ANKRD13B: variants seen among roughly 807,000 people sequenced by gnomAD.
The protein encoded by ANKRD13B is ankyrin repeat domain-containing protein 13B.
In ANKRD13B, 33 loss-of-function variants were observed where a neutral mutation model predicts 74.4. The ratio of observed to expected loss-of-function variants is 0.44; its 90% CI spans 0.34 to 0.59. The LOEUF is 0.59. Ranked by LOEUF, ANKRD13B falls within the 20% of genes least tolerant of loss-of-function variation. The pLI is 0.02. For synonymous variants in ANKRD13B, 341 were observed against 362.9 expected, an observed-to-expected ratio of 0.94 and a Z score of 0.68; for missense variants, 676 against 877.9, an observed-to-expected ratio of 0.77 and a Z score of 2.91.
rs771475263 is a variant in ANKRD13B at position 29,609,304 on chromosome 17, G to A, written c.755+29G>A. 6.2e-7 allele frequency: 1 copy of A among 1,613,050 alleles called. No homozygotes were observed. Among genetic ancestry groups the A allele is most frequent in the Non-Finnish European group, 8.5e-7 (1 of 1,179,778 alleles). ...GGTGGACATGGCCTTGGTCACCCTT[G>A]AGCCAGCCCGGTGGGGTGCCTGCCT... On this transcript the variant is annotated intron_variant, in intron 6 of 14. Transcript: ENST00000394859. This position sits in a 1 kb window ranked among gnomAD's most constrained non-coding sequence, Gnocchi z 4.0.
intron 1 of ANKRD13B, among the ~76,000 whole-genome samples, chr17:29,605,845 A>G (rs1344959436): frequency 6.6e-6 from 1 of 152,086 alleles, no homozygotes; most frequent in Non-Finnish European, 1.5e-5. Context: ...TAGGAGTAGA[A>G]GCCTTTTTAC....
intron 1 of ANKRD13B, among the ~76,000 whole-genome samples, chr17:29,596,902 A>T (rs2033974377): frequency 6.6e-6 from 1 of 152,156 alleles, no homozygotes; most frequent in Non-Finnish European, 1.5e-5. Flanking sequence ...CAAGGGCAGG[A>T]TGGGAGGGGT....
chr17:29,600,037 C>T, intron 1 of ANKRD13B, among the ~76,000 whole-genome samples: 1 of 152,018 alleles, frequency 6.6e-6, no homozygotes, highest in East Asian at 1.9e-4. Context: ...CCACCACGCC[C>T]AGCTAATTTT....
In ANKRD13B at chr17:29,613,436, G is replaced by A; in HGVS notation, c.1735G>A (p.Gly579Ser). The A allele has an allele frequency of 6.5e-7, 1 of 1,530,338 alleles. No homozygotes were observed. Among genetic ancestry groups the A allele is most frequent in the Non-Finnish European group, 8.8e-7 (1 of 1,141,506 alleles). 94.8% of individuals were successfully genotyped at this position (1,530,338 alleles called of 1,614,324 possible). A position where few individuals can be genotyped will look rare whatever the true frequency, so the allele number is the denominator to read the frequency against. Residue 579 changes from glycine (G) to serine (S), a missense_variant, in exon 15 of 15, where the codon GGC (glycine) becomes AGC (serine). By Grantham distance (56) the Gly-to-Ser change is moderately conservative. Around this residue, in one of 4 missense-constraint regions of ANKRD13B, gnomAD observed 108 missense variants for 90.3 expected, o/e 1.20. Coordinates refer to ENST00000394859, the MANE Select transcript of ANKRD13B (RefSeq NM_152345.5). ...SPRPSSGPGS[G>S]GHVFRSYDEQ... ...TCGGCCCAGCTCAGGGCCAGGTTCCGGCGGCCACGTGTTCCGGAGCTACGA... is the reference window on the plus strand; with the variant it reads ...TCGGCCCAGCTCAGGGCCAGGTTCCAGCGGCCACGTGTTCCGGAGCTACGA...
intron 1 of ANKRD13B, among the ~76,000 whole-genome samples, chr17:29,599,865 G>GTTGTTTTTTTT (rs2034090930): frequency 1.2e-4 from 6 of 50,772 alleles, no homozygotes; most frequent in African/African-American, 4.4e-4. Context: ...CATCTAATTT[G>GTTGTTTTTTTT]TTTTTTTTTT....
chr17:29,613,829 C>A lies in ANKRD13B; in HGVS notation c.*247C>A. On this transcript the variant is annotated 3_prime_UTR_variant, in exon 15 of 15. Coordinates refer to ENST00000394859, the MANE Select transcript of ANKRD13B (RefSeq NM_152345.5). Reference sequence around the variant, plus strand: ...CCTGCTTTGCTGTATTCTGATTCCCCAACCCGCTCCCCTGGGCTCAGATCT... The same window carrying A: ...CCTGCTTTGCTGTATTCTGATTCCCAAACCCGCTCCCCTGGGCTCAGATCT... The A allele has an allele frequency of 3.6e-6, 2 of 559,970 alleles. No homozygotes were observed. The highest frequency in any genetic ancestry group is 2.9e-6 in the Non-Finnish European group (1 of 342,274). The allele number at this position is 559,970 out of a possible 1,614,324, so 34.7% of individuals were successfully genotyped here.
At position 29,593,366 on chromosome 17, in the gene ANKRD13B, A is replaced by T. The variant is rs1423525809; in HGVS notation, c.-256A>T. ...AGCGCGAGTCCGCGCAGCGCCGCCG[A>T]GTGCCCGCTCCCTCCCAGGGCGGGT... is the stretch of plus-strand genomic sequence containing the variant. On this transcript the variant is annotated 5_prime_UTR_variant, in exon 1 of 15. Coordinates refer to ENST00000394859, the MANE Select transcript of ANKRD13B (RefSeq NM_152345.5). 6.8e-6 allele frequency: 1 copy of T among 147,022 alleles called. No homozygotes were observed. Among genetic ancestry groups the T allele is most frequent in the Non-Finnish European group, 1.5e-5 (1 of 65,948 alleles). The allele number at this position is 147,022 out of a possible 1,614,324, so 9.1% of individuals were successfully genotyped here.
In ANKRD13B at chr17:29,610,673, A is replaced by C. The variant is rs746582156; in HGVS notation, c.823-12A>C. ...AGAACTGCTTATGAGCCCTTTCTTC[A>C]TCTGTCCCCAGGTGTATGGGGCATC... On this transcript the variant is annotated splice_polypyrimidine_tract_variant and intron_variant, in intron 7 of 14. Transcript: ENST00000394859. 2 of 1,613,526 alleles carry C rather than the reference A, an allele frequency of 1.2e-6. No individual in the cohort carries two copies. The highest frequency in any genetic ancestry group is 1.7e-6 in the Non-Finnish European group (2 of 1,179,698).
chr17:29,606,369 G>A (rs1431876759), intron 1 of ANKRD13B, among the ~76,000 whole-genome samples: 1 of 151,734 alleles, frequency 6.6e-6, no homozygotes. Context: ...GACCAGCCTG[G>A]GCAACATATC....
intron 1 of ANKRD13B, among the ~76,000 whole-genome samples, chr17:29,602,680 C>T (rs1363455610): frequency 6.6e-6 from 1 of 152,112 alleles, no homozygotes; most frequent in East Asian, 1.9e-4. Context: ...ATCTTGAGAT[C>T]CTTAACTTAA....
rs1203273678 is a variant in ANKRD13B, at chr17:29,611,895, T to C, written c.989T>C (p.Leu330Pro). ...GTACAGACCCTGATCACTCAGACTC[T>C]GAGCCAAGCCAACCCCACTGCCATC... is the stretch of plus-strand genomic sequence containing the variant. ...PQNGTLITQT[L>P]SQANPTAITA... The change falls in exon 10 of 15, where the codon CTG becomes CCG. Residue 330 changes from leucine to proline, a missense_variant. Around this residue, in one of 4 missense-constraint regions of ANKRD13B, gnomAD observed 328 missense variants for 518.4 expected, o/e 0.63. Coordinates refer to ENST00000394859, the MANE Select transcript of ANKRD13B (RefSeq NM_152345.5). The surrounding 1 kb of genome is among the most constrained non-coding windows in gnomAD (Gnocchi z 4.3). The C allele has an allele frequency of 1.2e-6, 2 of 1,612,734 alleles. No individual in the cohort carries two copies. Among genetic ancestry groups the C allele is most frequent in the Admixed American group, 3.3e-5 (2 of 59,886 alleles).
intron 14 of ANKRD13B, 132 bp downstream of exon 14, chr17:29,613,095 CCTG>C: frequency 7.7e-7 from 1 of 1,305,878 alleles, no homozygotes; most frequent in South Asian, 1.3e-5. Context: ...TGCCACCACT[CCTG>C]CCTCCGAGGC....
At chr17:29,606,918 C>T (rs548533243) in intron 1 of ANKRD13B, among the ~76,000 whole-genome samples, 14 of 151,186 alleles carry the variant, frequency 9.3e-5, no homozygotes, top group African/African-American at 3.4e-4. Context: ...GACGTGTTGG[C>T]GAATGTCTGT....
chr17:29,613,656 G>A lies in ANKRD13B; in HGVS notation c.*74G>A, dbSNP rs1720660468. 1.5e-6 allele frequency: 2 copies of A among 1,373,846 alleles called. No homozygotes were observed. Among genetic ancestry groups the A allele is most frequent in the African/African-American group, 3.1e-5 (2 of 65,274 alleles). 85.1% of individuals were successfully genotyped at this position (1,373,846 alleles called of 1,614,324 possible). A position where few individuals can be genotyped will look rare whatever the true frequency, so the allele number is the denominator to read the frequency against. On this transcript the variant is annotated 3_prime_UTR_variant, in exon 15 of 15. Transcript: ENST00000394859. ...CCAGGAGCCAGACAAACCCCGGCCT[G>A]CGCGCCTGCAGAGCGGCGGCTGGAG...
chr17:29,602,034 T>C (rs929780126), intron 1 of ANKRD13B, among the ~76,000 whole-genome samples: 11 of 152,240 alleles, frequency 7.2e-5, no homozygotes, highest in African/African-American at 2.4e-4. Context: ...TCATTGAATT[T>C]CTTGGTTCTT....
Position 29,608,660 on chromosome 17 carries a change from G to A in ANKRD13B, c.422-191G>A, listed in dbSNP as rs1276656757. The A allele has an allele frequency of 3.0e-5, 22 of 729,972 alleles. No homozygotes were observed. The highest frequency in any genetic ancestry group is 1.4e-4 in the East Asian group (5 of 36,506). The allele number at this position is 729,972 out of a possible 1,614,324, so 45.2% of individuals were successfully genotyped here. On this transcript the variant is annotated intron_variant, in intron 4 of 14. Coordinates refer to ENST00000394859, the MANE Select transcript of ANKRD13B (RefSeq NM_152345.5). This position sits in a 1 kb window ranked among gnomAD's most constrained non-coding sequence, Gnocchi z 6.4. ...GTGGTGACAGAAACATGCCCGTCCC[G>A]ACCTCAGGTTGCTCTTCTGTGTGAG...
chr17:29,607,849 G>A lies in ANKRD13B; in HGVS notation c.222G>A (p.Val74=). Residue 74 remains valine, a synonymous_variant, in exon 2 of 15, where the codon GTG becomes GTA. Transcript: ENST00000394859. The part of the protein sequence containing the change: ...ARVLLAHGAD[V]GRENRSGWTV... ...TGCTCCTGGCGCACGGCGCAGACGT[G>A]GGCAGGGAGAATCGCAGCGGCTGGA... The A allele has an allele frequency of 1.9e-6, 3 of 1,603,098 alleles. No individual in the cohort carries two copies. Among genetic ancestry groups the A allele is most frequent in the Non-Finnish European group, 1.7e-6 (2 of 1,176,950 alleles).
chr17:29,612,599 G>A lies in ANKRD13B; in HGVS notation c.1411+45G>A. ...CGCCTGCCCCTCGGCTCTCCCCGGG[G>A]TGGGTGGGAGGGGCGCGCCCGGCCG... is the stretch of plus-strand genomic sequence containing the variant. On this transcript the variant is annotated intron_variant, in intron 12 of 14. Coordinates refer to ENST00000394859, the MANE Select transcript of ANKRD13B (RefSeq NM_152345.5). The surrounding 1 kb of genome is among the most constrained non-coding windows in gnomAD (Gnocchi z 6.1). 1.3e-6 allele frequency: 2 copies of A among 1,520,676 alleles called. No homozygotes were observed. The highest frequency in any genetic ancestry group is 8.8e-7 in the Non-Finnish European group (1 of 1,136,490). The allele number at this position is 1,520,676 out of a possible 1,614,324, so 94.2% of individuals were successfully genotyped here.
chr17:29,597,091 G>T (rs1180774740), intron 1 of ANKRD13B, among the ~76,000 whole-genome samples: 1 of 152,204 alleles, frequency 6.6e-6, no homozygotes, highest in Non-Finnish European at 1.5e-5. Context: ...CTCCTCGTGG[G>T]CTGGGGAAGG....
Sources: allele counts gnomAD v4.1 joint callset (sites outside exome capture counted in the v4.1 genomes callset), GRCh38; gene constraint gnomAD v4.1.1; regional missense constraint gnomAD v4.1.1; non-coding constraint Gnocchi (gnomAD v3.1); transcripts MANE v1.5; gene names NCBI Gene and HGNC (gene_info 2026-07-23, HGNC 2026-07-21).